The following NDUFC2 variants were observed in gnomAD, a reference collection of about 807,000 sequenced individuals.
The protein encoded by NDUFC2 is NADH dehydrogenase [ubiquinone] 1 subunit C2.
NDUFC2 carries 2 observed loss-of-function variants against 10.1 expected under a neutral mutation model. The observed-to-expected ratio is 0.20, with a 90% CI of 0.08 to 0.62. NDUFC2 has a LOEUF of 0.62. Ranked by LOEUF, NDUFC2 falls within the 20% of genes least tolerant of loss-of-function variation. NDUFC2 has a pLI of 0.87. For synonymous variants in NDUFC2, 61 were observed against 63.6 expected, an observed-to-expected ratio of 0.96 and a Z score of 0.20; for missense variants, 156 against 159.6, an observed-to-expected ratio of 0.98 and a Z score of 0.12.
intron 1 of NDUFC2, among the ~76,000 whole-genome samples, chr11:78,077,316 A>G (rs890265264): frequency 2.6e-5 from 4 of 152,122 alleles, no homozygotes; most frequent in African/African-American, 4.8e-5. Flanking sequence ...GGTTCTGTAA[A>G]TGAACAATTT....
intron 2 of NDUFC2, among the ~76,000 whole-genome samples, chr11:78,072,160 A>G (rs641836): frequency 0.86 from 131,582 of 152,162 alleles, 57,033 homozygotes; most frequent in African/African-American, 0.91. Flanking sequence ...GCAATGGATG[A>G]CTTATTTATT....
chr11:78,071,953 A>G (rs1303288594), intron 2 of NDUFC2, among the ~76,000 whole-genome samples: 2 of 152,226 alleles, frequency 1.3e-5, no homozygotes, highest in African/African-American at 4.8e-5. Context: ...ATTATGCATA[A>G]GTAAGTGCCT....
chr11:78,072,964 T>C lies in NDUFC2; in HGVS notation c.310+34A>G, dbSNP rs750987543. 29 of 1,603,310 alleles carry C rather than the reference T, an allele frequency of 1.8e-5. 1 individual carries two copies. The South Asian group carries it at 3.2e-4, about 18-fold the overall frequency. ...TTAACCAGGGAAAATAATAATACAG[T>C]AAACACAGATTATCTAAAATTAACT... is the stretch of plus-strand genomic sequence containing the variant. On this transcript the variant is annotated intron_variant, in intron 2 of 2. Coordinates refer to ENST00000281031, the MANE Select transcript of NDUFC2 (RefSeq NM_004549.6).
intron 1 of NDUFC2, among the ~76,000 whole-genome samples, chr11:78,073,937 T>A (rs1375112045): frequency 6.7e-6 from 1 of 149,872 alleles, no homozygotes; most frequent in Non-Finnish European, 1.5e-5. Context: ...AGTGGCACAA[T>A]CACAGCTCAC....
chr11:78,073,244 C>T (rs1859093569), intron 1 of NDUFC2, 103 bp from the exon 2 acceptor site: 3 of 1,562,346 alleles, frequency 1.9e-6, no homozygotes, highest in African/African-American at 2.8e-5. Context: ...GTAATCCCAG[C>T]ACTTTGGGAG....
chr11:78,078,968 C>A (rs904134385), intron 1 of NDUFC2, among the ~76,000 whole-genome samples: 2 of 151,496 alleles, frequency 1.3e-5, no homozygotes, highest in African/African-American at 4.8e-5. Context: ...TCAGGCGATC[C>A]GCCCGCCACG....
chr11:78,075,877 G>A (rs1859227128), intron 1 of NDUFC2, among the ~76,000 whole-genome samples: 1 of 151,890 alleles, frequency 6.6e-6, no homozygotes. Flanking sequence ...TGTGAGCCAC[G>A]GTGTCCGGCC....
intron 1 of NDUFC2, among the ~76,000 whole-genome samples, chr11:78,076,144 C>CTT (rs5792793): frequency 6.8e-6 from 1 of 146,432 alleles, no homozygotes; most frequent in Non-Finnish European, 1.5e-5. Flanking sequence ...CTCAATACTA[C>CTT]TTTTTTTTTT....
At chr11:78,076,407 G>A (rs188780689) in intron 1 of NDUFC2, among the ~76,000 whole-genome samples, 74 of 152,334 alleles carry the variant, frequency 4.9e-4, no homozygotes, top group African/African-American at 1.7e-3. Context: ...CTCCCAAAAT[G>A]TTGGGATTAC....
chr11:78,079,086 A>G (rs1859386386), intron 1 of NDUFC2, among the ~76,000 whole-genome samples: 3 of 136,034 alleles, frequency 2.2e-5, no homozygotes, highest in African/African-American at 8.5e-5. Flanking sequence ...TTTGAGAAGC[A>G]CTGGTGTCCA....
rs1453956017 is a variant in NDUFC2, at chr11:78,068,508, C to A, written c.*1479G>T. 3 of 152,158 alleles carry A rather than the reference C, an allele frequency of 2.0e-5. No homozygotes were observed. Among genetic ancestry groups the A allele is most frequent in the Non-Finnish European group, 4.4e-5 (3 of 68,026 alleles). 9.4% of individuals were successfully genotyped at this position (152,158 alleles called of 1,614,324 possible). On this transcript the variant is annotated 3_prime_UTR_variant, in exon 3 of 3. Transcript: ENST00000281031. ...ACCTAATTTGAAATCACATATAGACCAGGCGCGGTGGCTCACGCCTGTAAT... is the reference window on the plus strand; with the variant it reads ...ACCTAATTTGAAATCACATATAGACAAGGCGCGGTGGCTCACGCCTGTAAT...
At position 78,073,017 on chromosome 11, in the gene NDUFC2, T is replaced by C; in HGVS notation, c.291A>G (p.Pro97=). ...REMFGYMKLH[P]EDFPEEDKKT... ...AAATACCTTCTTCAGGAAAATCCTC[T>C]GGATGTAATTTCATATATCCAAACA... The change falls in exon 2 of 3, where the codon CCA becomes CCG. Residue 97 remains proline, a synonymous_variant. Coordinates refer to ENST00000281031, the MANE Select transcript of NDUFC2 (RefSeq NM_004549.6). 3 of 1,612,606 alleles carry C rather than the reference T, an allele frequency of 1.9e-6. No homozygotes were observed. Among genetic ancestry groups the C allele is most frequent in the Non-Finnish European group, 2.5e-6 (3 of 1,179,750 alleles).
intron 2 of NDUFC2, among the ~76,000 whole-genome samples, chr11:78,071,567 C>CA (rs934112387): frequency 2.1e-4 from 32 of 151,240 alleles, no homozygotes; most frequent in African/African-American, 4.1e-4. Flanking sequence ...CTGGGGAAAC[C>CA]AAAAAAAACT....
At chr11:78,072,183 T>A (rs191133669) in intron 2 of NDUFC2, among the ~76,000 whole-genome samples, 154 of 118,548 alleles carry the variant, frequency 1.3e-3, no homozygotes, top group Middle Eastern at 3.9e-3. Flanking sequence ...ATTTTAATTT[T>A]ATTTTATTTT....
At chr11:78,070,247 G>A (rs1019344534) in intron 2 of NDUFC2, among the ~76,000 whole-genome samples, 1 of 152,022 alleles carries the variant, frequency 6.6e-6, no homozygotes, top group Non-Finnish European at 1.5e-5. Context: ...AGGTCACAAA[G>A]GCTCTGTCCT....
Position 78,079,121 on chromosome 11 carries a change from A to AAAAAC in NDUFC2, c.166+457_166+458insGTTTT, listed in dbSNP as rs1361761462. Among the ~76,000 whole-genome samples, 5 of 151,544 alleles carry AAAAAC rather than the reference A, an allele frequency of 3.3e-5. 1 individual carries two copies. The highest frequency in any genetic ancestry group is 2.9e-5 in the Non-Finnish European group (2 of 67,862). ...AATATCCATTCAGAGGTCAAAAAAA[A>AAAAAC]AAAAAACCAAGCTCTGCTACTTAAT... is the stretch of plus-strand genomic sequence containing the variant. On this transcript the variant is annotated intron_variant, in intron 1 of 2. Coordinates refer to ENST00000281031, the MANE Select transcript of NDUFC2 (RefSeq NM_004549.6).
chr11:78,072,794 G>A, intron 2 of NDUFC2: 1 of 681,952 alleles, frequency 1.5e-6, no homozygotes, highest in Non-Finnish European at 2.4e-6. Flanking sequence ...GAAGGCAGAG[G>A]GGATATGAGT....
intron 1 of NDUFC2, among the ~76,000 whole-genome samples, chr11:78,078,549 T>C (rs960361064): frequency 2.6e-5 from 4 of 151,986 alleles, no homozygotes; most frequent in Non-Finnish European, 4.4e-5. Flanking sequence ...GCTACTGTGG[T>C]GGTTATTATC....
intron 2 of NDUFC2, among the ~76,000 whole-genome samples, chr11:78,072,020 T>C (rs1314252934): frequency 9.9e-5 from 15 of 152,166 alleles, no homozygotes; most frequent in Admixed American, 3.3e-4. Context: ...CTACAATCCA[T>C]GAAGAACACA....
Sources: gnomAD v4.1 joint callset for allele counts (sites outside exome capture counted in the v4.1 genomes callset) on GRCh38, gnomAD v4.1.1 for gene constraint, MANE v1.5 for transcripts, NCBI Gene and HGNC (gene_info 2026-07-23, HGNC 2026-07-21) for gene names.